Variants in ATP2A3 observed in about 807,000 individuals in gnomAD.
ATP2A3 encodes sarcoplasmic/endoplasmic reticulum calcium ATPase 3.
In ATP2A3, 61 loss-of-function variants were observed where a neutral mutation model predicts 106.8. The observed-to-expected ratio is 0.57, with a 90% CI of 0.46 to 0.71. The LOEUF (loss-of-function observed/expected upper bound fraction) is 0.71. Ranked by LOEUF, ATP2A3 falls within the 30% of genes least tolerant of loss-of-function variation. ATP2A3 has a pLI of 0.00. For missense variants in ATP2A3, 1,201 were observed against 1,423.5 expected (o/e 0.84, Z 2.52); for synonymous variants, 611 against 609.3 (o/e 1.00, Z -0.04).
chr17:3,961,207 C>A (rs1412075448), intron 1 of ATP2A3, among the ~76,000 whole-genome samples: 1 of 152,154 alleles, frequency 6.6e-6, no homozygotes, highest in Admixed American at 6.5e-5. Context: ...TGGCTGGGGA[C>A]GGGGCGGAGA....
chr17:3,932,095 C>T (rs1323265841), intron 17 of ATP2A3, among the ~76,000 whole-genome samples: 1 of 152,138 alleles, frequency 6.6e-6, no homozygotes, highest in African/African-American at 2.4e-5. Flanking sequence ...AACTCAAGCT[C>T]CAGCATTTGA....
chr17:3,958,815 T>TACAC (rs2054954404), intron 1 of ATP2A3, among the ~76,000 whole-genome samples: 1 of 124,966 alleles, frequency 8.0e-6, no homozygotes, highest in Non-Finnish European at 1.6e-5. Flanking sequence ...CACATATATA[T>TACAC]ATACACACAT....
intron 17 of ATP2A3, among the ~76,000 whole-genome samples, chr17:3,931,793 T>C (rs1237588859): frequency 6.6e-6 from 1 of 152,114 alleles, no homozygotes; most frequent in Non-Finnish European, 1.5e-5. Flanking sequence ...AGTGCTGGGA[T>C]TACAGGCGTG....
chr17:3,936,343 G>A lies in ATP2A3; in HGVS notation c.2448C>T (p.Ile816=), dbSNP rs760315666. 3 of 1,614,042 alleles carry A rather than the reference G, an allele frequency of 1.9e-6. No individual in the cohort carries two copies. The highest frequency in any genetic ancestry group is 2.5e-6 in the Non-Finnish European group (3 of 1,180,048). ...GGGGGCTCCGGGGCAGCTTCTCCAT[G>A]ATGTCCAGGTCTGGCGGGTTGAAGC... ...ALGFNPPDLD[I]MEKLPRSPRE... Residue 816 remains isoleucine, a synonymous_variant, in exon 16 of 21, where the codon ATC becomes ATT. Transcript: ENST00000397041. This position sits in a 1 kb window ranked among gnomAD's most constrained non-coding sequence, Gnocchi z 5.4.
At position 3,924,911 on chromosome 17, in the gene ATP2A3, G is replaced by A. The variant is rs752502899; in HGVS notation, c.*511C>T. ...CGCTGTACACAGCTGGGCCCAGATG[G>A]CCCCTTCTGATCCCCCAGGGCTGAC... On this transcript the variant is annotated 3_prime_UTR_variant, in exon 21 of 21. Transcript: ENST00000397041. The surrounding 1 kb of genome is among the most constrained non-coding windows in gnomAD (Gnocchi z 6.4). The A allele has an allele frequency of 6.6e-6, 3 of 453,040 alleles. No homozygotes were observed. The highest frequency in any genetic ancestry group is 1.6e-5 in the South Asian group (1 of 63,884). The allele number at this position is 453,040 out of a possible 1,614,324, so 28.1% of individuals were successfully genotyped here.
Position 3,925,048 on chromosome 17 carries a change from A to T in ATP2A3, c.*374T>A, listed in dbSNP as rs1308708802. On this transcript the variant is annotated 3_prime_UTR_variant, in exon 21 of 21. Transcript: ENST00000397041. The surrounding 1 kb of genome is among the most constrained non-coding windows in gnomAD (Gnocchi z 4.2). Reference sequence around the variant, plus strand: ...CCAAGTGAACGTCCAGCTTCCGAACAAGGGGGAGCAAGCTCCAGCTGCACT... The same window carrying T: ...CCAAGTGAACGTCCAGCTTCCGAACTAGGGGGAGCAAGCTCCAGCTGCACT... 4.4e-6 allele frequency: 2 copies of T among 451,120 alleles called. No homozygotes were observed. The highest frequency in any genetic ancestry group is 6.9e-5 in the Admixed American group (2 of 29,132). The allele number at this position is 451,120 out of a possible 1,614,324, so 27.9% of individuals were successfully genotyped here.
chr17:3,951,610 C>G lies in ATP2A3; in HGVS notation c.295G>C (p.Val99Leu), dbSNP rs764007300. The G allele has an allele frequency of 6.2e-7, 1 of 1,609,714 alleles. No homozygotes were observed. Among genetic ancestry groups the G allele is most frequent in the Non-Finnish European group, 8.5e-7 (1 of 1,178,526 alleles). Residue 99 changes from valine to leucine, a missense_variant, in exon 4 of 21, where the codon GTG (valine) becomes CTG (leucine). This residue lies in a region of ATP2A3 where 266 missense variants were observed against 246.8 expected (regional missense o/e 1.08). Transcript: ENST00000397041. ...VEPLVIMLIL[V>L]ANAIVGVWQE... is the part of the protein sequence containing the mutation. The stretch of plus-strand genomic sequence containing the variant: ...CACACGCCCACAATGGCGTTGGCCA[C>G]GAGGATCAGCATGATGACCAGGGGC...
intron 17 of ATP2A3, among the ~76,000 whole-genome samples, chr17:3,933,416 G>A (rs1335863473): frequency 3.3e-5 from 5 of 151,254 alleles, no homozygotes; most frequent in Non-Finnish European, 5.9e-5. Context: ...CATAGGTCTC[G>A]GTGTGGCCTC....
At chr17:3,935,061 G>T (rs2053352230) in intron 17 of ATP2A3, 131 bp downstream of exon 17, 1 of 975,248 alleles carries the variant, frequency 1.0e-6, no homozygotes, top group Non-Finnish European at 1.6e-6. Context: ...CCCAGGTGGG[G>T]ATGTTTATTC....
chr17:3,948,299 C>T (rs992012395), intron 7 of ATP2A3, among the ~76,000 whole-genome samples: 11 of 152,318 alleles, frequency 7.2e-5, no homozygotes, highest in Non-Finnish European at 1.3e-4. Context: ...CATCCATTTC[C>T]AAGGCTCCAG....
At chr17:3,931,622 C>T (rs10445261) in intron 17 of ATP2A3, among the ~76,000 whole-genome samples, 55 of 151,526 alleles carry the variant, frequency 3.6e-4, no homozygotes, top group Non-Finnish European at 5.7e-4. Context: ...CCCGGGTTCA[C>T]GCCATTCTCC....
In ATP2A3 at chr17:3,930,290, G is replaced by A. The variant is rs1019425639; in HGVS notation, c.2744+11C>T. 1.2e-5 allele frequency: 19 copies of A among 1,566,878 alleles called. No homozygotes were observed. The highest frequency in any genetic ancestry group is 9.6e-5 in the Admixed American group (5 of 52,114). On this transcript the variant is annotated intron_variant, in intron 18 of 20. Transcript: ENST00000397041. This position sits in a 1 kb window ranked among gnomAD's most constrained non-coding sequence, Gnocchi z 5.4. The stretch of plus-strand genomic sequence containing the variant: ...CCTCGGCCCCAGCTCCAGGCCCTGC[G>A]CCCAGCCTACCTGTTGAGGGCATTG...
chr17:3,944,908 G>A, intron 9 of ATP2A3, 102 bp from the exon 10 acceptor site: 3 of 1,315,954 alleles, frequency 2.3e-6, no homozygotes, highest in South Asian at 2.8e-5. Flanking sequence ...TCTTGGCCCC[G>A]CCCCCAGAAG....
rs775971591 is a variant in ATP2A3 at position 3,944,688 on chromosome 17, A to AG, written c.1287+15dup. ...GCCTGGATACTAGGGAGGTCATGAA[A>AG]GGGGGTGAGGCCCACCTCGTTGTAG... is the stretch of plus-strand genomic sequence containing the variant. On this transcript the variant is annotated intron_variant, in intron 10 of 20. Coordinates refer to ENST00000397041, the MANE Select transcript of ATP2A3 (RefSeq NM_005173.4). The AG allele has an allele frequency of 6.2e-7, 1 of 1,610,810 alleles. No individual in the cohort carries two copies. The highest frequency in any genetic ancestry group is 1.1e-5 in the South Asian group (1 of 90,650).
At chr17:3,944,963 G>A (rs1053113620) in intron 9 of ATP2A3, 97 bp downstream of exon 9, 2 of 1,314,038 alleles carry the variant, frequency 1.5e-6, no homozygotes, top group Non-Finnish European at 2.0e-6. Context: ...CCGCCTCCTG[G>A]CCCGCCCCCA....
At chr17:3,931,509 T>A (rs776511646) in intron 17 of ATP2A3, among the ~76,000 whole-genome samples, 16 of 150,392 alleles carry the variant, frequency 1.1e-4, no homozygotes, top group Non-Finnish European at 1.9e-4. Context: ...AATCTGAACA[T>A]GGAGATCTTT....
Position 3,955,345 on chromosome 17 carries a change from C to T in ATP2A3, c.119-1635G>A, listed in dbSNP as rs1458101933. ...GGGGTCTGCACCTGGCAGCTGAACC[C>T]TGGGGAGTATCAAGCAGCCCACTGG... On this transcript the variant is annotated intron_variant, in intron 1 of 20. Coordinates refer to ENST00000397041, the MANE Select transcript of ATP2A3 (RefSeq NM_005173.4). This position sits in a 1 kb window ranked among gnomAD's most constrained non-coding sequence, Gnocchi z 4.2. 1.3e-5 allele frequency among the ~76,000 whole-genome samples: 2 copies of T among 152,144 alleles called. No homozygotes were observed. The highest frequency in any genetic ancestry group is 2.9e-5 in the Non-Finnish European group (2 of 68,022).
Position 3,928,601 on chromosome 17 carries a change from C to A in ATP2A3, c.2980+62G>T. 1 of 1,408,942 alleles carries A rather than the reference C, an allele frequency of 7.1e-7. No homozygotes were observed. Among genetic ancestry groups the A allele is most frequent in the Middle Eastern group, 1.9e-4 (1 of 5,322 alleles). 87.3% of individuals were successfully genotyped at this position (1,408,942 alleles called of 1,614,324 possible). A position where few individuals can be genotyped will look rare whatever the true frequency, so the allele number is the denominator to read the frequency against. Reference sequence around the variant, plus strand: ...CGCTCCACACCCACAGCGTCCACTGCAGCCCAGGAGCAGAGGCGGGCGGGG... The same window carrying A: ...CGCTCCACACCCACAGCGTCCACTGAAGCCCAGGAGCAGAGGCGGGCGGGG... On this transcript the variant is annotated intron_variant, in intron 20 of 20. Coordinates refer to ENST00000397041, the MANE Select transcript of ATP2A3 (RefSeq NM_005173.4). The surrounding 1 kb of genome is among the most constrained non-coding windows in gnomAD (Gnocchi z 6.1).
In ATP2A3 at chr17:3,951,695, C is replaced by T; in HGVS notation, c.220-10G>A. 1 of 1,603,384 alleles carries T rather than the reference C, an allele frequency of 6.2e-7. No individual in the cohort carries two copies. The highest frequency in any genetic ancestry group is 1.7e-4 in the Middle Eastern group (1 of 6,050). On this transcript the variant is annotated splice_polypyrimidine_tract_variant and intron_variant, in intron 3 of 20. Coordinates refer to ENST00000397041, the MANE Select transcript of ATP2A3 (RefSeq NM_005173.4). The stretch of plus-strand genomic sequence containing the variant: ...CGAACCAGGCCAGGACCTGCAGGAT[C>T]ACAGCTGGTGAGCTCAGGCCCTGCT...
Sources: allele counts gnomAD v4.1 joint callset (sites outside exome capture counted in the v4.1 genomes callset), GRCh38; gene constraint gnomAD v4.1.1; regional missense constraint gnomAD v4.1.1; non-coding constraint Gnocchi (gnomAD v3.1); transcripts MANE v1.5; gene names NCBI Gene and HGNC (gene_info 2026-07-23, HGNC 2026-07-21).